IRF2BP2: variants seen among roughly 807,000 people sequenced by gnomAD.
IRF2BP2 encodes interferon regulatory factor 2 binding protein 2.
A neutral mutation model predicts 32.7 loss-of-function variants in IRF2BP2; 13 were observed. That is an observed-to-expected ratio of 0.40 (90% confidence interval 0.26 to 0.63). The LOEUF is 0.63. IRF2BP2 is among the 30% of genes least tolerant of loss of function. The pLI is 0.42. For missense variants in IRF2BP2, 980 were observed against 830.6 expected, an observed-to-expected ratio of 1.18 and a Z score of -2.21; for synonymous variants, 555 against 384.6, an observed-to-expected ratio of 1.44 and a Z score of -5.18.
rs1046384526 is a variant in IRF2BP2 at position 234,608,850 on chromosome 1, C to A, written c.645G>T (p.Ala215=). 1.5e-6 allele frequency: 2 copies of A among 1,333,014 alleles called. No individual in the cohort carries two copies. Among genetic ancestry groups the A allele is most frequent in the Non-Finnish European group, 1.9e-6 (2 of 1,051,842 alleles). The allele number at this position is 1,333,014 out of a possible 1,614,324, so 82.6% of individuals were successfully genotyped here. Reference sequence around the variant, plus strand: ...GGCTGGCGGCCGCGGTTCCGGACACCGCGGCTAAGGAGGCGGCAGCGCGGC... The same window carrying A: ...GGCTGGCGGCCGCGGTTCCGGACACAGCGGCTAAGGAGGCGGCAGCGCGGC... ...LGGRAAASLA[A]VSGTAAASLG... is the part of the protein sequence containing the mutation. The change falls in exon 1 of 2, where the codon GCG becomes GCT. Residue 215 remains alanine (A), a synonymous_variant. Coordinates refer to ENST00000366609, the MANE Select transcript of IRF2BP2 (RefSeq NM_182972.3).
rs1490733410 is a variant in IRF2BP2 at position 234,607,829 on chromosome 1, T to G, written c.1072A>C (p.Lys358Gln). 1 of 1,584,270 alleles carries G rather than the reference T, an allele frequency of 6.3e-7. No homozygotes were observed. Among genetic ancestry groups the G allele is most frequent in the Non-Finnish European group, 8.6e-7 (1 of 1,164,548 alleles). Residue 358 changes from lysine (K) to glutamine (Q), a missense_variant, in exon 2 of 2, where the codon AAG becomes CAG. Physicochemically the swap from Lys to Gln is moderately conservative, Grantham distance 53 (BLOSUM62 1). Transcript: ENST00000366609. ...TCACCTTCTGGTTCTGGAGAGGGCT[T>G]CCTTTTCCTTGCTGTTCTTGCAACT... is the stretch of plus-strand genomic sequence containing the variant. ...KAVARTARKR[K>Q]PSPEPEGEVG...
rs1203478170 is a variant in IRF2BP2, at chr1:234,606,163, CAG to C, written c.*972_*973del. The stretch of plus-strand genomic sequence containing the variant: ...CAGGTAAATGATAAACAAAACAAAA[CAG>C]AAACAAAACCAATCCCACAATCTCC... On this transcript the variant is annotated 3_prime_UTR_variant, in exon 2 of 2. Transcript: ENST00000366609. 2.0e-5 allele frequency: 3 copies of C among 152,288 alleles called. No individual in the cohort carries two copies. Among genetic ancestry groups the C allele is most frequent in the Non-Finnish European group, 2.9e-5 (2 of 68,100 alleles). The allele number at this position is 152,288 out of a possible 1,614,324, so 9.4% of individuals were successfully genotyped here.
rs755689516 is a variant in IRF2BP2 at position 234,609,484 on chromosome 1, G to A, written c.11C>T (p.Ala4Val). The A allele has an allele frequency of 2.7e-6, 4 of 1,500,132 alleles. No individual in the cohort carries two copies. Among genetic ancestry groups the A allele is most frequent in the Admixed American group, 2.2e-5 (1 of 45,240 alleles). The allele number at this position is 1,500,132 out of a possible 1,614,324, so 92.9% of individuals were successfully genotyped here. A position where few individuals can be genotyped will look rare whatever the true frequency, so the allele number is the denominator to read the frequency against. MAA[A>V]VAVAAASRRQ... Reference sequence around the variant, plus strand: ...CCGGGACGCGGCCGCCACCGCCACCGCCGCGGCCATGTCCGAGGAGCCCGC... The same window carrying A: ...CCGGGACGCGGCCGCCACCGCCACCACCGCGGCCATGTCCGAGGAGCCCGC... The change falls in exon 1 of 2, where the codon GCG (alanine) becomes GTG (valine). Residue 4 changes from alanine (A) to valine (V), a missense_variant. Coordinates refer to ENST00000366609, the MANE Select transcript of IRF2BP2 (RefSeq NM_182972.3).
chr1:234,605,749 T>C lies in IRF2BP2; in HGVS notation c.*1388A>G, dbSNP rs1672143900. 1 of 152,214 alleles carries C rather than the reference T, an allele frequency of 6.6e-6. No individual in the cohort carries two copies. Among genetic ancestry groups the C allele is most frequent in the Non-Finnish European group, 1.5e-5 (1 of 68,038 alleles). The allele number at this position is 152,214 out of a possible 1,614,324, so 9.4% of individuals were successfully genotyped here. A position where few individuals can be genotyped will look rare whatever the true frequency, so the allele number is the denominator to read the frequency against. ...AGCACAAAAGAAAAACCAGTATCAC[T>C]GTGAGACAACTATTTCTAATAATTG... On this transcript the variant is annotated 3_prime_UTR_variant, in exon 2 of 2. Coordinates refer to ENST00000366609, the MANE Select transcript of IRF2BP2 (RefSeq NM_182972.3).
rs1672106524 is a variant in IRF2BP2 at position 234,604,270 on chromosome 1, TCA to T, written c.*2865_*2866del. On this transcript the variant is annotated 3_prime_UTR_variant, in exon 2 of 2. Transcript: ENST00000366609. ...AATTAAAAAAGGCCTCAGAAAATGTTCAGTGCTCCCAATTTTATTTTTATTTA... is the reference window on the plus strand; with the variant it reads ...AATTAAAAAAGGCCTCAGAAAATGTTGTGCTCCCAATTTTATTTTTATTTA... 6.6e-6 allele frequency: 1 copy of T among 152,166 alleles called. No homozygotes were observed. Among genetic ancestry groups the T allele is most frequent in the Non-Finnish European group, 1.5e-5 (1 of 68,028 alleles). The allele number at this position is 152,166 out of a possible 1,614,324, so 9.4% of individuals were successfully genotyped here. A position where few individuals can be genotyped will look rare whatever the true frequency, so the allele number is the denominator to read the frequency against.
Position 234,608,770 on chromosome 1 carries a change from G to C in IRF2BP2, c.725C>G (p.Ser242Trp). ...CTCGTGCTCCACGGCAGCGCTGCTC[G>C]ACACGGATGCCGGCCGCTTGTGGGC... ...LGAHKRPASV[S>W]SSAAVEHEQR... Residue 242 changes from serine (S) to tryptophan (W), a missense_variant, in exon 1 of 2, where the codon TCG becomes TGG. By Grantham distance (177) the Ser-to-Trp change is radical. Coordinates refer to ENST00000366609, the MANE Select transcript of IRF2BP2 (RefSeq NM_182972.3). The C allele has an allele frequency of 6.8e-7, 1 of 1,463,864 alleles. No homozygotes were observed. Among genetic ancestry groups the C allele is most frequent in the Non-Finnish European group, 9.0e-7 (1 of 1,117,142 alleles). The allele number at this position is 1,463,864 out of a possible 1,614,324, so 90.7% of individuals were successfully genotyped here.
rs1258817962 is a variant in IRF2BP2 at position 234,604,683 on chromosome 1, G to C, written c.*2454C>G. On this transcript the variant is annotated 3_prime_UTR_variant, in exon 2 of 2. Transcript: ENST00000366609. ...TAATATTTTGAGTATTAAAAGCACA[G>C]CTGAAATATTAGGATTTGAAATCTG... 1 of 152,232 alleles carries C rather than the reference G, an allele frequency of 6.6e-6. No homozygotes were observed. The highest frequency in any genetic ancestry group is 1.5e-5 in the Non-Finnish European group (1 of 68,034). The allele number at this position is 152,232 out of a possible 1,614,324, so 9.4% of individuals were successfully genotyped here. A position where few individuals can be genotyped will look rare whatever the true frequency, so the allele number is the denominator to read the frequency against.
chr1:234,608,525 T>C lies in IRF2BP2; in HGVS notation c.970A>G (p.Lys324Glu), dbSNP rs777757207. Residue 324 changes from lysine to glutamate, a missense_variant, in exon 1 of 2, where the codon AAG becomes GAG. Physicochemically the swap from Lys to Glu is moderately conservative, Grantham distance 56. Coordinates refer to ENST00000366609, the MANE Select transcript of IRF2BP2 (RefSeq NM_182972.3). Reference protein sequence around the residue: ...QHGHSGPFESKFKKEPALTAG... With the variant: ...QHGHSGPFESEFKKEPALTAG... The stretch of plus-strand genomic sequence containing the variant: ...GTCAGGGCCGGCTCCTTCTTAAACT[T>C]GCTCTCGAAGGGCCCCGAGTGGCCG... 6.2e-7 allele frequency: 1 copy of C among 1,610,816 alleles called. No homozygotes were observed. Among genetic ancestry groups the C allele is most frequent in the Admixed American group, 1.7e-5 (1 of 59,726 alleles).
In IRF2BP2 at chr1:234,607,071, G is replaced by A. The variant is rs59700554; in HGVS notation, c.*66C>T. ...TGTCTTGGATATATATATATATGGA[G>A]ATATATATACAATTCAAGCAGTTTT... is the stretch of plus-strand genomic sequence containing the variant. On this transcript the variant is annotated 3_prime_UTR_variant, in exon 2 of 2. Coordinates refer to ENST00000366609, the MANE Select transcript of IRF2BP2 (RefSeq NM_182972.3). 6.2e-3 allele frequency: 6,330 copies of A among 1,014,206 alleles called. 274 individuals carry two copies. The African/African-American group carries it at 0.089, about 14-fold the overall frequency. The allele number at this position is 1,014,206 out of a possible 1,614,324, so 62.8% of individuals were successfully genotyped here.
rs779898463 is a variant in IRF2BP2, at chr1:234,608,500, G to C, written c.995C>G (p.Thr332Ser). Residue 332 changes from threonine (T) to serine (S), a missense_variant, in exon 1 of 2, where the codon ACT (threonine) becomes AGT (serine). Coordinates refer to ENST00000366609, the MANE Select transcript of IRF2BP2 (RefSeq NM_182972.3). ...ESKFKKEPAL[T>S]AGRLLGFEAN... is the part of the protein sequence containing the mutation. Reference sequence around the variant, plus strand: ...CTCGAAACCCAACAACCTGCCTGCAGTCAGGGCCGGCTCCTTCTTAAACTT... The same window carrying C: ...CTCGAAACCCAACAACCTGCCTGCACTCAGGGCCGGCTCCTTCTTAAACTT... 9 of 1,608,728 alleles carry C rather than the reference G, an allele frequency of 5.6e-6. No homozygotes were observed. The South Asian group carries it at 1.0e-4, about 18-fold the overall frequency.
At chr1:234,608,160 C>G (rs1672218799) in intron 1 of IRF2BP2, 1 of 528,440 alleles carries the variant, frequency 1.9e-6, no homozygotes, top group African/African-American at 1.9e-5. Flanking sequence ...TAATGTCCCC[C>G]AATAGGTTAA....
Position 234,609,584 on chromosome 1 carries a change from TCC to T in IRF2BP2, c.-92_-91del. On this transcript the variant is annotated 5_prime_UTR_variant, in exon 1 of 2. Coordinates refer to ENST00000366609, the MANE Select transcript of IRF2BP2 (RefSeq NM_182972.3). ...CCCACCGGCACCACGCGCGCCCTCCTCCCCCCCCAACCCCGCGTCTCCCCCAC... is the reference window on the plus strand; with the variant it reads ...CCCACCGGCACCACGCGCGCCCTCCTCCCCCCAACCCCGCGTCTCCCCCAC... 1 of 677,788 alleles carries T rather than the reference TCC, an allele frequency of 1.5e-6. No homozygotes were observed. Among genetic ancestry groups the T allele is most frequent in the Non-Finnish European group, 2.1e-6 (1 of 484,674 alleles). The allele number at this position is 677,788 out of a possible 1,614,324, so 42.0% of individuals were successfully genotyped here. A position where few individuals can be genotyped will look rare whatever the true frequency, so the allele number is the denominator to read the frequency against.
chr1:234,606,101 CAG>C lies in IRF2BP2; in HGVS notation c.*1034_*1035del, dbSNP rs1672151749. The C allele has an allele frequency of 1.3e-5, 2 of 152,234 alleles. No homozygotes were observed. Among genetic ancestry groups the C allele is most frequent in the South Asian group, 2.1e-4 (1 of 4,828 alleles). The allele number at this position is 152,234 out of a possible 1,614,324, so 9.4% of individuals were successfully genotyped here. A position where few individuals can be genotyped will look rare whatever the true frequency, so the allele number is the denominator to read the frequency against. On this transcript the variant is annotated 3_prime_UTR_variant, in exon 2 of 2. Transcript: ENST00000366609. ...TACTGTATTCAGCACTCACTAGAAA[CAG>C]GGTATAGGTGATAGTATCAACAGCA... is the stretch of plus-strand genomic sequence containing the variant.
chr1:234,609,634 G>T lies in IRF2BP2; in HGVS notation c.-140C>A, dbSNP rs1016061315. 3.5e-4 allele frequency: 101 copies of T among 291,358 alleles called. 2 individuals carry two copies. The highest frequency in any genetic ancestry group is 2.8e-3 in the South Asian group (20 of 7,190). The allele number at this position is 291,358 out of a possible 1,614,324, so 18.0% of individuals were successfully genotyped here. ...CACCAGCGGCGGCGGCGGCCGCAAA[G>T]GCGGCGGCGGCGGCGGCAAAGCCCG... On this transcript the variant is annotated 5_prime_UTR_variant, in exon 1 of 2. Transcript: ENST00000366609.
chr1:234,607,035 T>TAC lies in IRF2BP2; in HGVS notation c.*100_*101dup. 1.2e-6 allele frequency: 1 copy of TAC among 867,512 alleles called. No homozygotes were observed. The highest frequency in any genetic ancestry group is 1.8e-5 in the South Asian group (1 of 54,954). 53.7% of individuals were successfully genotyped at this position (867,512 alleles called of 1,614,324 possible). A position where few individuals can be genotyped will look rare whatever the true frequency, so the allele number is the denominator to read the frequency against. ...ATTATACAGCCATGTTTATGAAGTCTACATTTCCCTTGTCTTGGATATATA... is the reference window on the plus strand; with the variant it reads ...ATTATACAGCCATGTTTATGAAGTCTACACATTTCCCTTGTCTTGGATATATA... On this transcript the variant is annotated 3_prime_UTR_variant, in exon 2 of 2. Transcript: ENST00000366609.
Position 234,606,539 on chromosome 1 carries a change from AG to A in IRF2BP2, c.*597del, listed in dbSNP as rs1672165933. 4 of 152,230 alleles carry A rather than the reference AG, an allele frequency of 2.6e-5. No individual in the cohort carries two copies. Among genetic ancestry groups the A allele is most frequent in the Admixed American group, 6.5e-5 (1 of 15,290 alleles). 9.4% of individuals were successfully genotyped at this position (152,230 alleles called of 1,614,324 possible). A position where few individuals can be genotyped will look rare whatever the true frequency, so the allele number is the denominator to read the frequency against. On this transcript the variant is annotated 3_prime_UTR_variant, in exon 2 of 2. Coordinates refer to ENST00000366609, the MANE Select transcript of IRF2BP2 (RefSeq NM_182972.3). ...CAGCACTCTCAGTCATCAGTATCTCAGGAACTGAACTTTTGAGCAAAATAGA... is the reference window on the plus strand; with the variant it reads ...CAGCACTCTCAGTCATCAGTATCTCAGAACTGAACTTTTGAGCAAAATAGA...
rs1444788569 is a variant in IRF2BP2, at chr1:234,605,283, A to C, written c.*1854T>G. On this transcript the variant is annotated 3_prime_UTR_variant, in exon 2 of 2. Transcript: ENST00000366609. ...CATTTCTGCATGTGTGCATTCACATAAGAGAGACCAGTCTGCACTGAGTCA... is the reference window on the plus strand; with the variant it reads ...CATTTCTGCATGTGTGCATTCACATCAGAGAGACCAGTCTGCACTGAGTCA... 1.3e-5 allele frequency: 2 copies of C among 152,266 alleles called. No homozygotes were observed. Among genetic ancestry groups the C allele is most frequent in the Admixed American group, 1.3e-4 (2 of 15,292 alleles). 9.4% of individuals were successfully genotyped at this position (152,266 alleles called of 1,614,324 possible). A position where few individuals can be genotyped will look rare whatever the true frequency, so the allele number is the denominator to read the frequency against.
chr1:234,606,754 G>C lies in IRF2BP2; in HGVS notation c.*383C>G, dbSNP rs1672171735. 1 of 158,492 alleles carries C rather than the reference G, an allele frequency of 6.3e-6. No individual in the cohort carries two copies. The highest frequency in any genetic ancestry group is 1.4e-5 in the Non-Finnish European group (1 of 71,780). 9.8% of individuals were successfully genotyped at this position (158,492 alleles called of 1,614,324 possible). Reference sequence around the variant, plus strand: ...ACAGACAGTAAGGCAATCTTACAATGTCAGAAAATGTATTTGGCTTTTTTT... The same window carrying C: ...ACAGACAGTAAGGCAATCTTACAATCTCAGAAAATGTATTTGGCTTTTTTT... On this transcript the variant is annotated 3_prime_UTR_variant, in exon 2 of 2. Coordinates refer to ENST00000366609, the MANE Select transcript of IRF2BP2 (RefSeq NM_182972.3).
rs1410065479 is a variant in IRF2BP2 at position 234,609,058 on chromosome 1, G to A, written c.437C>T (p.Pro146Leu). The A allele has an allele frequency of 3.1e-6, 4 of 1,281,602 alleles. No homozygotes were observed. The South Asian group carries it at 8.5e-5, about 27-fold the overall frequency. 79.4% of individuals were successfully genotyped at this position (1,281,602 alleles called of 1,614,324 possible). The change falls in exon 1 of 2, where the codon CCG (proline) becomes CTG (leucine). Residue 146 changes from proline (P) to leucine (L), a missense_variant. Transcript: ENST00000366609. ...SRPAASLAQP[P>L]TPQPPPVNGI... ...GTTCACGGGCGGCGGCTGCGGCGTC[G>A]GCGGCTGGGCCAGGCTCGCTGCCGG...
Sources: allele counts gnomAD v4.1 joint callset, GRCh38; gene constraint gnomAD v4.1.1; transcripts MANE v1.5; gene names NCBI Gene and HGNC (gene_info 2026-07-23, HGNC 2026-07-21).